WDR19: variants seen among roughly 807,000 people sequenced by gnomAD.
WDR19 encodes the protein WD repeat-containing protein 19.
WDR19 carries 121 observed loss-of-function variants against 180.0 expected under a neutral mutation model. The observed-to-expected ratio is 0.67, with a 90% CI of 0.58 to 0.78. The LOEUF is 0.78. Among genes scored for constraint, WDR19 ranks in the 30% least tolerant of loss-of-function variants. The pLI is 0.00. For synonymous variants in WDR19, 497 were observed against 540.7 expected (o/e 0.92, Z 1.12); for missense variants, 1,450 against 1,640.7 (o/e 0.88, Z 2.01).
chr4:39,236,549 C>T (rs1577956374), intron 20 of WDR19, among the ~76,000 whole-genome samples: 1 of 152,220 alleles, frequency 6.6e-6, no homozygotes, highest in South Asian at 2.1e-4. Context: ...AAAGTCCAGA[C>T]TTCACCACTA....
intron 9 of WDR19, among the ~76,000 whole-genome samples, chr4:39,211,737 T>G (rs1458732423): frequency 6.6e-6 from 1 of 152,160 alleles, no homozygotes; most frequent in African/African-American, 2.4e-5. Context: ...TGCTGAAAAT[T>G]ATAAAATGCT....
intron 9 of WDR19, among the ~76,000 whole-genome samples, chr4:39,208,093 A>G: frequency 6.6e-6 from 1 of 152,188 alleles, no homozygotes; most frequent in African/African-American, 2.4e-5. Context: ...ACCTCTAAGA[A>G]AACTATTCAA....
At chr4:39,203,746 G>A in intron 7 of WDR19, 24 bp downstream of exon 7, 9 of 1,583,526 alleles carry the variant, frequency 5.7e-6, no homozygotes, top group East Asian at 2.3e-5. Context: ...TCAAATCCAC[G>A]TGCAAATCAT....
In WDR19 at chr4:39,231,971, A is replaced by G. The variant is rs1221452377; in HGVS notation, c.2142+15A>G. ...AACAAATAAAGGTAAACAGCATGTT[A>G]TAGAATTATCAAGTTAAAATTTAAA... On this transcript the variant is annotated intron_variant, in intron 18 of 36. Coordinates refer to ENST00000399820, the MANE Select transcript of WDR19 (RefSeq NM_025132.4). 2.5e-6 allele frequency: 4 copies of G among 1,603,000 alleles called. No individual in the cohort carries two copies. In the South Asian group the frequency reaches 4.4e-5, roughly 18 times the overall value.
At chr4:39,221,628 C>T (rs1729714180) in intron 14 of WDR19, among the ~76,000 whole-genome samples, 1 of 152,186 alleles carries the variant, frequency 6.6e-6, no homozygotes, top group Non-Finnish European at 1.5e-5. Flanking sequence ...AAATAGTGAA[C>T]ATACTCATCA....
intron 6 of WDR19, among the ~76,000 whole-genome samples, chr4:39,200,549 T>C (rs1727263242): frequency 6.6e-6 from 1 of 152,198 alleles, no homozygotes. Flanking sequence ...AGTTTCTCTC[T>C]AGCTATTCAC....
intron 26 of WDR19, 92 bp downstream of exon 26, chr4:39,254,122 C>A: frequency 1.6e-6 from 2 of 1,281,910 alleles, no homozygotes; most frequent in Non-Finnish European, 2.1e-6. Flanking sequence ...GGTATACATA[C>A]AAGAATGCGC....
chr4:39,260,404 C>G (rs1335289188), intron 28 of WDR19, among the ~76,000 whole-genome samples: 1 of 144,206 alleles, frequency 6.9e-6, no homozygotes, highest in Non-Finnish European at 1.5e-5. Flanking sequence ...GTGGTGCGAT[C>G]TCAGCTCACT....
intron 28 of WDR19, among the ~76,000 whole-genome samples, chr4:39,263,414 C>T (rs1355311926): frequency 6.6e-6 from 1 of 152,152 alleles, no homozygotes; most frequent in East Asian, 1.9e-4. Context: ...TTCTGTTCTC[C>T]ACTTCCTTCT....
chr4:39,215,862 C>T lies in WDR19; in HGVS notation c.983C>T (p.Thr328Ile), dbSNP rs1440479412. The stretch of plus-strand genomic sequence containing the variant: ...TCAGGATTGGGTACCTTGTCCTGGA[C>T]TGATGATGGCCAGTTGCTAGCACTC... ...ENKGLGTLSW[T>I]DDGQLLALST... is the part of the protein sequence containing the mutation. The change falls in exon 11 of 37, where the codon ACT becomes ATT. Residue 328 changes from threonine (T) to isoleucine (I), a missense_variant. By Grantham distance (89) the Thr-to-Ile change is moderately conservative. Coordinates refer to ENST00000399820, the MANE Select transcript of WDR19 (RefSeq NM_025132.4). The T allele has an allele frequency of 6.2e-7, 1 of 1,613,284 alleles. No homozygotes were observed. The highest frequency in any genetic ancestry group is 1.7e-5 in the Admixed American group (1 of 59,930).
chr4:39,234,159 C>G (rs1373205443), intron 19 of WDR19, among the ~76,000 whole-genome samples: 1 of 151,994 alleles, frequency 6.6e-6, no homozygotes, highest in Non-Finnish European at 1.5e-5. Context: ...GATAATAACA[C>G]TTGAAAAATG....
chr4:39,275,339 C>CAAAAAAA, intron 33 of WDR19: 2 of 103,638 alleles, frequency 1.9e-5, no homozygotes, highest in Middle Eastern at 4.7e-3. Context: ...GACCCCATCT[C>CAAAAAAA]AAAAAAAAAA....
chr4:39,185,259 A>T (rs562943057), intron 1 of WDR19, among the ~76,000 whole-genome samples: 1 of 152,330 alleles, frequency 6.6e-6, no homozygotes, highest in Middle Eastern at 3.4e-3. Flanking sequence ...AAATATAACT[A>T]ATGGAACTAA....
chr4:39,185,914 T>TC, intron 2 of WDR19, 97 bp downstream of exon 2: 1 of 1,069,548 alleles, frequency 9.3e-7, no homozygotes, highest in Non-Finnish European at 1.3e-6. Context: ...TTTTTTTTTT[T>TC]AAATGGAGTC....
intron 1 of WDR19, among the ~76,000 whole-genome samples, chr4:39,184,176 G>T (rs1725270315): frequency 6.6e-6 from 1 of 152,114 alleles, no homozygotes; most frequent in South Asian, 2.1e-4. Flanking sequence ...GGACGCCGAG[G>T]CAGGTGGATC....
At chr4:39,278,080 G>A (rs1736083784) in intron 34 of WDR19, 51 bp from the exon 35 acceptor site, 2 of 1,461,004 alleles carry the variant, frequency 1.4e-6, no homozygotes, top group Middle Eastern at 1.7e-4. Flanking sequence ...GACTAACAGT[G>A]GGAGTTTTTA....
At chr4:39,273,084 C>G in intron 32 of WDR19, 23 bp downstream of exon 32, 3 of 1,577,282 alleles carry the variant, frequency 1.9e-6, no homozygotes, top group Non-Finnish European at 2.6e-6. Context: ...GACCAGAGCT[C>G]TCACCCATGC....
chr4:39,274,662 A>T, intron 32 of WDR19, 146 bp from the exon 33 acceptor site: 1 of 947,498 alleles, frequency 1.1e-6, no homozygotes, highest in Non-Finnish European at 1.6e-6. Flanking sequence ...TTTCCTCATT[A>T]AACAGATCAT....
intron 9 of WDR19, among the ~76,000 whole-genome samples, chr4:39,212,905 G>GT (rs796809574): frequency 2.6e-5 from 4 of 152,000 alleles, no homozygotes; most frequent in African/African-American, 9.6e-5. Flanking sequence ...AAACCCAACA[G>GT]TAAAAAAAGC....
Sources: allele counts gnomAD v4.1 joint callset (sites outside exome capture counted in the v4.1 genomes callset), GRCh38; gene constraint gnomAD v4.1.1; transcripts MANE v1.5; gene names NCBI Gene and HGNC (gene_info 2026-07-23, HGNC 2026-07-21).